Variants in MCF2L2 observed in about 807,000 individuals in gnomAD.
MCF2L2 encodes the protein probable guanine nucleotide exchange factor MCF2L2.
In MCF2L2, 102 loss-of-function variants were observed where a neutral mutation model predicts 150.2. The ratio of observed to expected loss-of-function variants is 0.68; its 90% CI spans 0.58 to 0.80. The LOEUF (loss-of-function observed/expected upper bound fraction) is 0.80. Among genes scored for constraint, MCF2L2 ranks in the 30% least tolerant of loss-of-function variants. The pLI is 0.00. For missense variants in MCF2L2, 1,256 were observed against 1,372.8 expected, an observed-to-expected ratio of 0.91 and a Z score of 1.34; for synonymous variants, 465 against 491.3, an observed-to-expected ratio of 0.95 and a Z score of 0.71.
rs1727635739 is a variant in MCF2L2 at position 183,283,732 on chromosome 3, G to C, written c.1776+5388C>G. Among the ~76,000 whole-genome samples, 1 of 152,066 alleles carries C rather than the reference G, an allele frequency of 6.6e-6. No homozygotes were observed. Among genetic ancestry groups the C allele is most frequent in the Admixed American group, 6.6e-5 (1 of 15,266 alleles). On this transcript the variant is annotated intron_variant, in intron 14 of 29. Coordinates refer to ENST00000328913, the MANE Select transcript of MCF2L2 (RefSeq NM_015078.4). The surrounding 1 kb of genome is among the most constrained non-coding windows in gnomAD (Gnocchi z 4.2). The stretch of plus-strand genomic sequence containing the variant: ...AGACGAGGTTTCACCATGTTGGTCA[G>C]TCTGGTCTTGAACTCCTGAACTCAG...
intron 1 of MCF2L2, among the ~76,000 whole-genome samples, chr3:183,423,367 A>T (rs1179598633): frequency 6.6e-6 from 1 of 152,230 alleles, no homozygotes; most frequent in Non-Finnish European, 1.5e-5. Flanking sequence ...CCTGGGTTAC[A>T]GATCAGTATC....
At chr3:183,355,617 T>G (rs1268888080) in intron 3 of MCF2L2, among the ~76,000 whole-genome samples, 1 of 141,392 alleles carries the variant, frequency 7.1e-6, no homozygotes, top group Non-Finnish European at 1.5e-5. Context: ...CAGCTAATTT[T>G]TTTTTTTTTT....
chr3:183,182,229 C>T (rs112144744), intron 27 of MCF2L2, among the ~76,000 whole-genome samples: 2,313 of 152,212 alleles, frequency 0.015, 59 homozygotes, highest in African/African-American at 0.052. Context: ...CCAGATTCCA[C>T]CTCCCTGTGG....
intron 1 of MCF2L2, among the ~76,000 whole-genome samples, chr3:183,392,487 A>T (rs1319446269): frequency 6.6e-6 from 1 of 152,214 alleles, no homozygotes; most frequent in Admixed American, 6.5e-5. Flanking sequence ...TGGCTATCAA[A>T]TGAACAGGAC....
In MCF2L2 at chr3:183,198,685, G is replaced by A. The variant is rs186803996; in HGVS notation, c.2885-3430C>T. Among the ~76,000 whole-genome samples, 6 of 152,272 alleles carry A rather than the reference G, an allele frequency of 3.9e-5. No homozygotes were observed. In the East Asian group the frequency reaches 1.2e-3, roughly 29 times the overall value. Reference sequence around the variant, plus strand: ...ATGTATGTCCCCAGGACTAACCCTAGCTATTCTATAGTTCTGGGGTGGAAC... The same window carrying A: ...ATGTATGTCCCCAGGACTAACCCTAACTATTCTATAGTTCTGGGGTGGAAC... On this transcript the variant is annotated intron_variant, in intron 25 of 29. Coordinates refer to ENST00000328913, the MANE Select transcript of MCF2L2 (RefSeq NM_015078.4).
At chr3:183,184,948 C>T (rs1290378267) in intron 27 of MCF2L2, among the ~76,000 whole-genome samples, 1 of 150,474 alleles carries the variant, frequency 6.6e-6, no homozygotes, top group Non-Finnish European at 1.5e-5. Flanking sequence ...GACGGAGTCT[C>T]GCTCTATTGC....
intron 3 of MCF2L2, 138 bp from the exon 4 acceptor site, chr3:183,341,768 C>G: frequency 1.6e-6 from 1 of 619,924 alleles, no homozygotes; most frequent in Non-Finnish European, 2.9e-6. Context: ...ACAACCAACT[C>G]CCTCTCCCAG....
At position 183,306,469 on chromosome 3, in the gene MCF2L2, T is replaced by C. The variant is rs374244879; in HGVS notation, c.1113+3247A>G. Reference sequence around the variant, plus strand: ...AGAAGTTGCAATCAGAAATCTTTATTGAAATAAGTTTATTTCCCCCCGAGG... The same window carrying C: ...AGAAGTTGCAATCAGAAATCTTTATCGAAATAAGTTTATTTCCCCCCGAGG... On this transcript the variant is annotated intron_variant, in intron 10 of 29. Transcript: ENST00000328913. Among the ~76,000 whole-genome samples, 6 of 152,344 alleles carry C rather than the reference T, an allele frequency of 3.9e-5. No individual in the cohort carries two copies. In the South Asian group the frequency reaches 1.2e-3, roughly 32 times the overall value.
At chr3:183,421,984 T>C (rs1715909287) in intron 1 of MCF2L2, among the ~76,000 whole-genome samples, 1 of 152,240 alleles carries the variant, frequency 6.6e-6, no homozygotes, top group Non-Finnish European at 1.5e-5. Flanking sequence ...CTCTGTTGTC[T>C]GCCTTTGTTT....
rs942298180 is a variant in MCF2L2, at chr3:183,305,593, G to A, written c.1113+4123C>T. On this transcript the variant is annotated intron_variant, in intron 10 of 29. Transcript: ENST00000328913. The surrounding 1 kb of genome is among the most constrained non-coding windows in gnomAD (Gnocchi z 4.1). ...AGGCCGGGCGCAGTGGGTCACGCCTGTAATCCCAGCACTTTGGGAAGCCAA... is the reference window on the plus strand; with the variant it reads ...AGGCCGGGCGCAGTGGGTCACGCCTATAATCCCAGCACTTTGGGAAGCCAA... 6.6e-6 allele frequency among the ~76,000 whole-genome samples: 1 copy of A among 152,224 alleles called. No homozygotes were observed. Among genetic ancestry groups the A allele is most frequent in the Non-Finnish European group, 1.5e-5 (1 of 68,040 alleles).
chr3:183,185,729 C>T (rs953034161), intron 27 of MCF2L2, among the ~76,000 whole-genome samples: 2 of 152,234 alleles, frequency 1.3e-5, no homozygotes, highest in East Asian at 1.9e-4. Context: ...GTACTAGGCT[C>T]GGTTACAATA....
At chr3:183,338,960 T>C (rs763017976) in intron 4 of MCF2L2, 41 bp from the exon 5 acceptor site, 23 of 1,575,900 alleles carry the variant, frequency 1.5e-5, no homozygotes, top group Non-Finnish European at 2.0e-5. Context: ...GAGAGAAAAA[T>C]GTCATATTCG....
At chr3:183,402,451 C>CAAA (rs779201489) in intron 1 of MCF2L2, among the ~76,000 whole-genome samples, 98 of 54,176 alleles carry the variant, frequency 1.8e-3, no homozygotes, top group Non-Finnish European at 2.7e-3. Flanking sequence ...GAGACTCCAT[C>CAAA]AAAAAAAAAA....
intron 3 of MCF2L2, among the ~76,000 whole-genome samples, chr3:183,356,170 A>T (rs960023056): frequency 1.2e-4 from 6 of 49,588 alleles, no homozygotes; most frequent in African/African-American, 7.9e-4. Context: ...AAATTGACTT[A>T]AAAAAAAAAA....
At chr3:183,396,059 C>G (rs879786854) in intron 1 of MCF2L2, among the ~76,000 whole-genome samples, 13 of 151,802 alleles carry the variant, frequency 8.6e-5, no homozygotes, top group African/African-American at 3.1e-4. Context: ...ACCCTCCCCC[C>G]ATGAACATAT....
intron 6 of MCF2L2, among the ~76,000 whole-genome samples, chr3:183,320,660 C>G (rs1729774834): frequency 6.6e-6 from 1 of 152,194 alleles, no homozygotes; most frequent in Non-Finnish European, 1.5e-5. Flanking sequence ...CAGGCCCAGA[C>G]CACTAAAACT....
Position 183,368,351 on chromosome 3 carries a change from A to T in MCF2L2, c.275+10946T>A, listed in dbSNP as rs148755835. On this transcript the variant is annotated intron_variant, in intron 3 of 29. Coordinates refer to ENST00000328913, the MANE Select transcript of MCF2L2 (RefSeq NM_015078.4). ...ACCATCCATCTGCCAAATCCACCCC[A>T]CTCTCATCTTTGTAAATAAAGTTTA... Among the ~76,000 whole-genome samples, 101 of 151,664 alleles carry T rather than the reference A, an allele frequency of 6.7e-4. 2 individuals are homozygous for T. In the East Asian group the frequency reaches 0.019, roughly 29 times the overall value.
In MCF2L2 at chr3:183,394,326, G is replaced by A. The variant is rs540042541; in HGVS notation, c.77-4547C>T. ...CTGGACACTAACTTTGCACGTCACAGATTAACTGGTTGAATCAGTTGCACA... is the reference window on the plus strand; with the variant it reads ...CTGGACACTAACTTTGCACGTCACAAATTAACTGGTTGAATCAGTTGCACA... On this transcript the variant is annotated intron_variant, in intron 1 of 29. Transcript: ENST00000328913. Among the ~76,000 whole-genome samples the A allele has an allele frequency of 8.5e-5, 13 of 152,356 alleles. No individual in the cohort carries two copies. In the South Asian group the frequency reaches 2.1e-3, roughly 24 times the overall value.
intron 22 of MCF2L2, among the ~76,000 whole-genome samples, chr3:183,208,490 G>C (rs1722577160): frequency 6.6e-6 from 1 of 152,180 alleles, no homozygotes; most frequent in South Asian, 2.1e-4. Flanking sequence ...TGATGCCCCT[G>C]TCTCCACCAG....
Sources: allele counts gnomAD v4.1 joint callset (sites outside exome capture counted in the v4.1 genomes callset), GRCh38; gene constraint gnomAD v4.1.1; non-coding constraint Gnocchi (gnomAD v3.1); transcripts MANE v1.5; gene names NCBI Gene and HGNC (gene_info 2026-07-23, HGNC 2026-07-21).